PARD3: variants seen among roughly 807,000 people sequenced by gnomAD.
PARD3 encodes par-3 family cell polarity regulator, also known as partitioning defective 3 homolog.
PARD3 carries 75 observed loss-of-function variants against 155.4 expected under a neutral mutation model. That is an observed-to-expected ratio of 0.48 (90% CI 0.40 to 0.58). The LOEUF is 0.58. Ranked by LOEUF, PARD3 falls within the 20% of genes least tolerant of loss-of-function variation. PARD3 has a pLI of 0.00. For missense variants in PARD3, 1,642 were observed against 1,721.7 expected (o/e 0.95, Z 0.82); for synonymous variants, 576 against 610.5 (o/e 0.94, Z 0.83).
At chr10:34,325,730 A>G (rs1018348781) in intron 19 of PARD3, among the ~76,000 whole-genome samples, 22 of 152,184 alleles carry the variant, frequency 1.4e-4, no homozygotes, top group African/African-American at 5.1e-4. Context: ...AGTGTGTTTC[A>G]TATTCTAGAA....
chr10:34,430,105 C>T (rs1406900734), intron 5 of PARD3, among the ~76,000 whole-genome samples: 4 of 152,152 alleles, frequency 2.6e-5, no homozygotes, highest in Non-Finnish European at 5.9e-5. Flanking sequence ...TAAGAAACAC[C>T]TTATTGAAAG....
At chr10:34,384,604 T>G (rs1283390190) in intron 7 of PARD3, among the ~76,000 whole-genome samples, 1 of 152,182 alleles carries the variant, frequency 6.6e-6, no homozygotes, top group Non-Finnish European at 1.5e-5. Flanking sequence ...TTTGAATGGC[T>G]TGGGCAATTT....
At chr10:34,252,758 C>CTATA (rs10631689) in intron 22 of PARD3, among the ~76,000 whole-genome samples, 195 of 149,676 alleles carry the variant, frequency 1.3e-3, no homozygotes, top group African/African-American at 5.9e-4. Flanking sequence ...GTATGTATGT[C>CTATA]TATATATATA....
At position 34,321,965 on chromosome 10, in the gene PARD3, C is replaced by T. The variant is rs183102770; in HGVS notation, c.2834-4627G>A. ...TCAAGGTCATTAGAGTCTATTTCCC[C>T]CCCCCATTGAGAAGTGATGCTACTG... On this transcript the variant is annotated intron_variant, in intron 19 of 24. Coordinates refer to ENST00000374788, the MANE Select transcript of PARD3 (RefSeq NM_001184785.2). Among the ~76,000 whole-genome samples, 975 of 152,214 alleles carry T rather than the reference C, an allele frequency of 6.4e-3. 2 individuals are homozygous for T. The highest frequency in any genetic ancestry group is 0.011 in the Non-Finnish European group (730 of 67,994).
At chr10:34,694,393 G>A (rs1044971980) in intron 2 of PARD3, among the ~76,000 whole-genome samples, 36 of 151,508 alleles carry the variant, frequency 2.4e-4, no homozygotes, top group African/African-American at 8.0e-4. Flanking sequence ...CCTAAGCCTG[G>A]CTCACTCAAA....
intron 20 of PARD3, among the ~76,000 whole-genome samples, chr10:34,302,016 CTT>C (rs1260304539): frequency 6.6e-6 from 1 of 151,990 alleles, no homozygotes; most frequent in Non-Finnish European, 1.5e-5. Flanking sequence ...TTAGAGGAAT[CTT>C]TTAATTTTCT....
At chr10:34,366,749 A>T (rs1177227006) in intron 12 of PARD3, among the ~76,000 whole-genome samples, 2 of 132,478 alleles carry the variant, frequency 1.5e-5, no homozygotes, top group African/African-American at 2.5e-5. Flanking sequence ...TGGTTTTAAA[A>T]TTTTTCTTAA....
intron 22 of PARD3, among the ~76,000 whole-genome samples, chr10:34,267,339 A>G (rs1296315935): frequency 6.6e-6 from 1 of 152,218 alleles, no homozygotes; most frequent in Non-Finnish European, 1.5e-5. Context: ...GGATCCTGAC[A>G]TATCTGTGGT....
chr10:34,167,745 A>G (rs1174977163), intron 22 of PARD3, among the ~76,000 whole-genome samples: 1 of 152,216 alleles, frequency 6.6e-6, no homozygotes, highest in Non-Finnish European at 1.5e-5. Context: ...AGCCAGAATA[A>G]CTTGTTTACG....
chr10:34,428,815 A>C (rs766237902), intron 5 of PARD3, among the ~76,000 whole-genome samples: 1 of 152,212 alleles, frequency 6.6e-6, no homozygotes, highest in East Asian at 1.9e-4. Context: ...CACTAACGCT[A>C]AATTTTATGT....
At chr10:34,652,671 A>T (rs2093047279) in intron 2 of PARD3, among the ~76,000 whole-genome samples, 1 of 152,206 alleles carries the variant, frequency 6.6e-6, no homozygotes, top group Non-Finnish European at 1.5e-5. Flanking sequence ...CTCACACCTA[A>T]CAAGGAAATG....
At chr10:34,381,592 T>A (rs577643474) in intron 9 of PARD3, among the ~76,000 whole-genome samples, 1 of 152,074 alleles carries the variant, frequency 6.6e-6, no homozygotes, top group Non-Finnish European at 1.5e-5. Context: ...ATGGAAGATG[T>A]ATGAAGAATC....
chr10:34,121,075 A>G (rs1297951680), intron 23 of PARD3, among the ~76,000 whole-genome samples: 1 of 152,020 alleles, frequency 6.6e-6, no homozygotes, highest in Non-Finnish European at 1.5e-5. Flanking sequence ...GAAAAAAAAA[A>G]AAGGAAAAAC....
chr10:34,540,729 C>T (rs561403594), intron 2 of PARD3, among the ~76,000 whole-genome samples: 1 of 152,106 alleles, frequency 6.6e-6, no homozygotes, highest in African/African-American at 2.4e-5. Context: ...CTACAGTGAG[C>T]CATGACCATG....
chr10:34,645,010 C>T (rs2092792652), intron 2 of PARD3, among the ~76,000 whole-genome samples: 1 of 152,026 alleles, frequency 6.6e-6, no homozygotes, highest in Non-Finnish European at 1.5e-5. Context: ...AGTGCCACCA[C>T]ACCCAGCTAA....
intron 3 of PARD3, among the ~76,000 whole-genome samples, chr10:34,512,599 G>A (rs1363375191): frequency 6.6e-6 from 1 of 152,162 alleles, no homozygotes; most frequent in Non-Finnish European, 1.5e-5. Context: ...AGCATAGTCT[G>A]GATTGAGAAA....
At chr10:34,248,024 T>A (rs538095262) in intron 22 of PARD3, among the ~76,000 whole-genome samples, 1 of 152,316 alleles carries the variant, frequency 6.6e-6, no homozygotes, top group Admixed American at 6.5e-5. Context: ...TACATTCCTT[T>A]CTAGATCATT....
At chr10:34,733,706 G>GCCA (rs993423309) in intron 1 of PARD3, among the ~76,000 whole-genome samples, 5 of 152,180 alleles carry the variant, frequency 3.3e-5, no homozygotes, top group African/African-American at 1.2e-4. Context: ...CCCCATGTTG[G>GCCA]CCAGGCTGGT....
At chr10:34,481,761 C>T (rs911880990) in intron 3 of PARD3, among the ~76,000 whole-genome samples, 1 of 151,860 alleles carries the variant, frequency 6.6e-6, no homozygotes, top group Admixed American at 6.6e-5. Context: ...AAATATGGGG[C>T]CAAGATGTTG....
Sources: gnomAD v4.1 joint callset for allele counts (sites outside exome capture counted in the v4.1 genomes callset) on GRCh38, gnomAD v4.1.1 for gene constraint, MANE v1.5 for transcripts, NCBI Gene and HGNC (gene_info 2026-07-23, HGNC 2026-07-21) for gene names.